The following DUS2 variants were observed in gnomAD, a reference collection of about 807,000 sequenced individuals.
DUS2 encodes the protein tRNA-dihydrouridine(20) synthase [NAD(P)+]-like.
DUS2 carries 52 observed loss-of-function variants against 71.3 expected under a neutral mutation model. The ratio of observed to expected loss-of-function variants is 0.73; its 90% CI spans 0.58 to 0.92. DUS2 has a LOEUF of 0.92. Among genes scored for constraint, DUS2 ranks in the 40% least tolerant of loss-of-function variants. The pLI, the probability that DUS2 is intolerant of heterozygous loss-of-function variation, is 0.00. For missense variants in DUS2, 558 were observed against 622.6 expected (o/e 0.90, Z 1.10); for synonymous variants, 204 against 227.8 (o/e 0.90, Z 0.94).
chr16:68,070,352 C>A, intron 11 of DUS2, 132 bp downstream of exon 11: 1 of 761,890 alleles, frequency 1.3e-6, no homozygotes, highest in Non-Finnish European at 2.2e-6. Flanking sequence ...CCACAAGACC[C>A]CAGACCTGTT....
At chr16:68,072,322 A>T (rs2034098853) in intron 12 of DUS2, among the ~76,000 whole-genome samples, 1 of 152,178 alleles carries the variant, frequency 6.6e-6, no homozygotes, top group South Asian at 2.1e-4. Context: ...ATGGTCTGGG[A>T]TAGCTCCATG....
At chr16:68,066,422 G>GT (rs2034006218) in intron 9 of DUS2, 40 bp downstream of exon 9, 1 of 1,605,112 alleles carries the variant, frequency 6.2e-7, no homozygotes, top group Admixed American at 1.7e-5. Context: ...CATTCTCTCT[G>GT]GTGATGTTGG....
chr16:68,040,049 T>A (rs2033598417), intron 3 of DUS2, among the ~76,000 whole-genome samples: 1 of 151,560 alleles, frequency 6.6e-6, no homozygotes, highest in Non-Finnish European at 1.5e-5. Context: ...GCGTGATGGG[T>A]AAGGTCAGGG....
Position 68,066,394 on chromosome 16 carries a change from G to T in DUS2, c.483+12G>T. On this transcript the variant is annotated intron_variant, in intron 9 of 16. Transcript: ENST00000565263. ...GCATCCTGCCATCGGTAAGGATGGT[G>T]TGTTACATATGAAGGTCCATTCTCT... 6.2e-7 allele frequency: 1 copy of T among 1,612,760 alleles called. No individual in the cohort carries two copies.
At chr16:68,037,967 A>C in intron 2 of DUS2, 39 bp from the exon 3 acceptor site, 2 of 1,595,882 alleles carry the variant, frequency 1.3e-6, no homozygotes, top group Non-Finnish European at 1.7e-6. Context: ...GATTTTCTTC[A>C]TTTGAATTTC....
At chr16:68,025,286 C>G (rs937157124) in intron 1 of DUS2, 129 bp from the exon 2 acceptor site, 2 of 151,594 alleles carry the variant, frequency 1.3e-5, no homozygotes, top group African/African-American at 2.4e-5. Context: ...TTGCAGTGAG[C>G]CGAGATCGCA....
At chr16:68,032,941 A>G (rs2033462437) in intron 2 of DUS2, among the ~76,000 whole-genome samples, 1 of 146,774 alleles carries the variant, frequency 6.8e-6, no homozygotes, top group Non-Finnish European at 1.5e-5. Flanking sequence ...AGGGAATGCC[A>G]GGGTGGCCAG....
chr16:68,035,872 A>G (rs1191584361), intron 2 of DUS2, among the ~76,000 whole-genome samples: 1 of 132,500 alleles, frequency 7.5e-6, no homozygotes, highest in African/African-American at 3.0e-5. Context: ...GTACCACCAC[A>G]TCCCGCTAAT....
intron 2 of DUS2, among the ~76,000 whole-genome samples, chr16:68,032,691 C>T (rs563274446): frequency 2.6e-5 from 4 of 152,038 alleles, no homozygotes; most frequent in East Asian, 1.9e-4. Context: ...CCAGGGTGGC[C>T]GGGCACAGTG....
chr16:68,072,798 TG>T (rs1169982251), intron 12 of DUS2, among the ~76,000 whole-genome samples: 1 of 152,236 alleles, frequency 6.6e-6, no homozygotes, highest in African/African-American at 2.4e-5. Context: ...CGACTTCCAC[TG>T]GGTGTCCCAG....
chr16:68,061,235 C>T, intron 8 of DUS2, 122 bp downstream of exon 8: 1 of 1,079,790 alleles, frequency 9.3e-7, no homozygotes, highest in Non-Finnish European at 1.3e-6. Context: ...CTCCCTGAGG[C>T]CTAGCGATTT....
intron 2 of DUS2, among the ~76,000 whole-genome samples, chr16:68,032,054 A>G (rs961130800): frequency 6.6e-6 from 1 of 152,224 alleles, no homozygotes; most frequent in East Asian, 1.9e-4. Flanking sequence ...AAGGAATGGT[A>G]GAAGAGATTG....
rs540773863 is a variant in DUS2, at chr16:68,079,262, A to G, written c.*276A>G. The G allele has an allele frequency of 3.1e-6, 1 of 320,042 alleles. No individual in the cohort carries two copies. Among genetic ancestry groups the G allele is most frequent in the Non-Finnish European group, 5.7e-6 (1 of 175,110 alleles). 19.8% of individuals were successfully genotyped at this position (320,042 alleles called of 1,614,324 possible). A position where few individuals can be genotyped will look rare whatever the true frequency, so the allele number is the denominator to read the frequency against. On this transcript the variant is annotated 3_prime_UTR_variant, in exon 17 of 17. Coordinates refer to ENST00000565263, the MANE Select transcript of DUS2 (RefSeq NM_017803.5). ...CAACCTGACATTGGTACTGTGCAAT[A>G]AAGACACCCCCTACCCTCACCCACG...
intron 3 of DUS2, among the ~76,000 whole-genome samples, chr16:68,040,727 G>A (rs1030523332): frequency 6.6e-6 from 1 of 152,022 alleles, no homozygotes; most frequent in African/African-American, 2.4e-5. Context: ...TGGGCCCCCG[G>A]GCATGGCTGA....
At chr16:68,028,004 G>C (rs2033380508) in intron 2 of DUS2, among the ~76,000 whole-genome samples, 1 of 152,168 alleles carries the variant, frequency 6.6e-6, no homozygotes, top group South Asian at 2.1e-4. Context: ...GGAAGGTGGA[G>C]ACCAGACCTT....
Position 68,075,396 on chromosome 16 carries a change from A to G in DUS2, c.974A>G (p.Gln325Arg), listed in dbSNP as rs767446509. The G allele has an allele frequency of 5.6e-6, 9 of 1,613,488 alleles. No homozygotes were observed. In the East Asian group the frequency reaches 1.1e-4, roughly 20 times the overall value. ...GLGAFYEETT[Q>R]ELDAQQARLS... ...GGTGCCTTCTATGAGGAGACCACAC[A>G]GGAGCTGGATGCCCAGCAGGCCAGG... Residue 325 changes from glutamine to arginine, a missense_variant, in exon 14 of 17, where the codon CAG (glutamine) becomes CGG (arginine). Physicochemically the swap from Gln to Arg is conservative, Grantham distance 43 (BLOSUM62 1). Transcript: ENST00000565263.
intron 3 of DUS2, among the ~76,000 whole-genome samples, chr16:68,045,483 C>T (rs920514468): frequency 7.3e-5 from 11 of 151,272 alleles, no homozygotes; most frequent in Admixed American, 4.6e-4. Context: ...TGGTGGTGGA[C>T]GCCTGTAATC....
At chr16:68,068,323 C>T (rs1264087620) in intron 10 of DUS2, among the ~76,000 whole-genome samples, 1 of 152,134 alleles carries the variant, frequency 6.6e-6, no homozygotes. Flanking sequence ...GGGTTGAAGC[C>T]AGGAGGGAGG....
At chr16:68,068,781 G>GTTT (rs2034044258) in intron 10 of DUS2, among the ~76,000 whole-genome samples, 2 of 128,872 alleles carry the variant, frequency 1.6e-5, no homozygotes, top group African/African-American at 2.9e-5. Flanking sequence ...TGTATTTTTA[G>GTTT]TAGAGATGGG....
Sources: gnomAD v4.1 joint callset for allele counts (sites outside exome capture counted in the v4.1 genomes callset) on GRCh38, gnomAD v4.1.1 for gene constraint, MANE v1.5 for transcripts, NCBI Gene and HGNC (gene_info 2026-07-23, HGNC 2026-07-21) for gene names.